Variants in TCEA3 observed in about 807,000 individuals in gnomAD.
TCEA3 encodes transcription elongation factor A3, also known as transcription elongation factor A protein 3.
Under a neutral mutation model 44.0 loss-of-function variants are expected in TCEA3, and 36 were observed. That is an observed-to-expected ratio of 0.82 (90% confidence interval 0.63 to 1.08). The LOEUF is 1.08. Ranked by LOEUF, TCEA3 falls within the 50% of genes least tolerant of loss-of-function variation. The pLI, the probability that TCEA3 is intolerant of heterozygous loss-of-function variation, is 0.00. For missense variants in TCEA3, 392 were observed against 441.2 expected, an observed-to-expected ratio of 0.89 and a Z score of 1.00; for synonymous variants, 162 against 159.7, an observed-to-expected ratio of 1.01 and a Z score of -0.11.
intron 5 of TCEA3, among the ~76,000 whole-genome samples, chr1:23,399,144 G>GTATATATATATATATATATATA (rs60424866): frequency 1.1e-4 from 7 of 61,164 alleles, no homozygotes; most frequent in East Asian, 4.9e-4. Flanking sequence ...ATGTATATAT[G>GTATATATATATATATATATATA]TATATATATA....
chr1:23,397,512 G>C, intron 7 of TCEA3, 33 bp downstream of exon 7: 8 of 1,605,362 alleles, frequency 5.0e-6, no homozygotes, highest in Non-Finnish European at 6.8e-6. Context: ...AGACGGTGCA[G>C]ACACCCACAG....
chr1:23,398,021 C>T (rs12568007), intron 5 of TCEA3, 66 bp from the exon 6 acceptor site: 72,123 of 1,566,582 alleles, frequency 0.046, 4,210 homozygotes, highest in South Asian at 0.22. Flanking sequence ...GAGCAGCATT[C>T]TAGATGTCTT....
At chr1:23,407,919 GC>G (rs1379821049) in intron 5 of TCEA3, among the ~76,000 whole-genome samples, 1 of 152,000 alleles carries the variant, frequency 6.6e-6, no homozygotes, top group African/African-American at 2.4e-5. Context: ...CCAGGTATAG[GC>G]TTTCTTTCTT....
At chr1:23,395,827 CAAA>C (rs576778891) in intron 7 of TCEA3, among the ~76,000 whole-genome samples, 5 of 90,824 alleles carry the variant, frequency 5.5e-5, no homozygotes, top group Admixed American at 1.3e-4. Flanking sequence ...GATTCCATCT[CAAA>C]AAAAAAAAAA....
chr1:23,406,911 C>T (rs1361717863), intron 5 of TCEA3, among the ~76,000 whole-genome samples: 2 of 152,172 alleles, frequency 1.3e-5, no homozygotes, highest in East Asian at 1.9e-4. Flanking sequence ...CATGAGCCAC[C>T]GCACCTGGCC....
intron 1 of TCEA3, among the ~76,000 whole-genome samples, chr1:23,419,879 T>C (rs1640005678): frequency 6.6e-6 from 1 of 152,120 alleles, no homozygotes; most frequent in African/African-American, 2.4e-5. Flanking sequence ...TGAGGTATAA[T>C]TCACATACAA....
intron 8 of TCEA3, among the ~76,000 whole-genome samples, chr1:23,391,091 A>G (rs1639010988): frequency 6.6e-6 from 1 of 151,048 alleles, no homozygotes. Flanking sequence ...CACAGCAGGC[A>G]GCCCAAGCCC....
chr1:23,381,508 G>T (rs768274995), intron 10 of TCEA3, 34 bp from the exon 11 acceptor site: 1 of 780,804 alleles, frequency 1.3e-6, no homozygotes, highest in Non-Finnish European at 2.4e-6. Flanking sequence ...AATTTGAAAG[G>T]TTTCTCGGCA....
chr1:23,387,592 G>A (rs1019411034), intron 8 of TCEA3, among the ~76,000 whole-genome samples, 173 bp from the exon 9 acceptor site: 2 of 152,334 alleles, frequency 1.3e-5, no homozygotes, highest in Non-Finnish European at 2.9e-5. Flanking sequence ...AGCTGTCCCC[G>A]CAGAGTCCTC....
intron 5 of TCEA3, 94 bp downstream of exon 5, chr1:23,408,570 C>T (rs1335084531): frequency 1.1e-5 from 15 of 1,310,874 alleles, no homozygotes; most frequent in Middle Eastern, 2.1e-4. Context: ...TTCCTTCCCT[C>T]CTTTCCTCTG....
At position 23,383,461 on chromosome 1, in the gene TCEA3, A is replaced by T. The variant is rs984456982; in HGVS notation, c.1038+885T>A. 4 of 923,698 alleles carry T rather than the reference A, an allele frequency of 4.3e-6. No homozygotes were observed. The African/African-American group carries it at 5.4e-5, about 12-fold the overall frequency. The allele number at this position is 923,698 out of a possible 1,614,324, so 57.2% of individuals were successfully genotyped here. On this transcript the variant is annotated intron_variant, in intron 10 of 10. Coordinates refer to ENST00000450454, the MANE Select transcript of TCEA3 (RefSeq NM_003196.3). ...TTGTTTGCAAAGTGTTTATGCATAC[A>T]TGATAACCCTCATATCAAAATGATC... is the stretch of plus-strand genomic sequence containing the variant.
rs577940878 is a variant in TCEA3, at chr1:23,408,544, T to C, written c.443+120A>G. 3.4e-5 allele frequency: 34 copies of C among 1,003,844 alleles called. No individual in the cohort carries two copies. In the South Asian group the frequency reaches 5.0e-4, roughly 15 times the overall value. 62.2% of individuals were successfully genotyped at this position (1,003,844 alleles called of 1,614,324 possible). A position where few individuals can be genotyped will look rare whatever the true frequency, so the allele number is the denominator to read the frequency against. On this transcript the variant is annotated intron_variant, in intron 5 of 10. Coordinates refer to ENST00000450454, the MANE Select transcript of TCEA3 (RefSeq NM_003196.3). ...TGGGTCTTAGAATACGGGGGCAACATAATGTAGGAGGTTTCTTCCTTCCCT... is the reference window on the plus strand; with the variant it reads ...TGGGTCTTAGAATACGGGGGCAACACAATGTAGGAGGTTTCTTCCTTCCCT...
intron 10 of TCEA3, chr1:23,384,119 GC>G: frequency 7.4e-7 from 1 of 1,358,876 alleles, no homozygotes; most frequent in Non-Finnish European, 9.5e-7. Flanking sequence ...GTGGGCTGCT[GC>G]CCCCACCCCA....
At chr1:23,384,657 T>G (rs1638770704) in intron 9 of TCEA3, among the ~76,000 whole-genome samples, 1 of 146,120 alleles carries the variant, frequency 6.8e-6, no homozygotes, top group Non-Finnish European at 1.5e-5. Context: ...CCTTTTGCAC[T>G]TCCGCTTTTT....
chr1:23,418,149 T>C, intron 2 of TCEA3, 140 bp from the exon 3 acceptor site: 1 of 787,452 alleles, frequency 1.3e-6, no homozygotes, highest in Non-Finnish European at 2.1e-6. Flanking sequence ...GACTCCTGGC[T>C]GAGGTCAGAA....
At chr1:23,398,141 T>C (rs982339776) in intron 5 of TCEA3, among the ~76,000 whole-genome samples, 186 bp from the exon 6 acceptor site, 1 of 152,148 alleles carries the variant, frequency 6.6e-6, no homozygotes, top group Non-Finnish European at 1.5e-5. Flanking sequence ...ATGAGGTTGA[T>C]ACTATTCTCA....
chr1:23,415,014 C>CTTTT (rs59946326), intron 4 of TCEA3, among the ~76,000 whole-genome samples: 2 of 43,114 alleles, frequency 4.6e-5, no homozygotes, highest in African/African-American at 8.4e-5. Context: ...CTTTACTGTT[C>CTTTT]TTTTTTTTTT....
chr1:23,405,281 C>T (rs540803051), intron 5 of TCEA3, among the ~76,000 whole-genome samples: 1 of 152,152 alleles, frequency 6.6e-6, no homozygotes, highest in East Asian at 1.9e-4. Flanking sequence ...ATGCAGGAAA[C>T]AGTCTGGGTA....
Position 23,387,383 on chromosome 1 carries a change from C to A in TCEA3, c.856G>T (p.Ala286Ser), listed in dbSNP as rs754317417. The A allele has an allele frequency of 3.1e-6, 5 of 1,610,280 alleles. No homozygotes were observed. The highest frequency in any genetic ancestry group is 4.2e-6 in the Non-Finnish European group (5 of 1,178,364). Residue 286 changes from alanine (A) to serine (S), a missense_variant, in exon 9 of 11, where the codon GCC (alanine) becomes TCC (serine). By Grantham distance (99) the Ala-to-Ser change is moderately conservative. Transcript: ENST00000450454. The part of the protein sequence containing the change: ...ASDELRELRN[A>S]MTQEAIREHQ... ...TCACGGATGGCCTCCTGGGTCATGG[C>A]ATTCCTCAACTCCCTCAGTTCATCA...
Sources: allele counts gnomAD v4.1 joint callset (sites outside exome capture counted in the v4.1 genomes callset), GRCh38; gene constraint gnomAD v4.1.1; transcripts MANE v1.5; gene names NCBI Gene and HGNC (gene_info 2026-07-23, HGNC 2026-07-21).